Variants in SGCZ observed in about 807,000 individuals in gnomAD.
SGCZ encodes the protein zeta-sarcoglycan.
Under a neutral mutation model 41.3 loss-of-function variants are expected in SGCZ, and 40 were observed. The ratio of observed to expected loss-of-function variants is 0.97; its 90% confidence interval spans 0.75 to 1.26. The LOEUF is 1.26. Among genes scored for constraint, SGCZ ranks in the 50% most tolerant of loss-of-function variants. The probability of loss-of-function intolerance (pLI) is 0.00; values close to 1 mark genes in which losing one functional copy is unlikely to be tolerated. For missense variants in SGCZ, 552 were observed against 369.8 expected (o/e 1.49, Z -4.04); for synonymous variants, 206 against 137.5 (o/e 1.50, Z -3.49).
intron 1 of SGCZ, among the ~76,000 whole-genome samples, chr8:15,080,845 G>A (rs1473002590): frequency 6.6e-6 from 1 of 151,994 alleles, no homozygotes; most frequent in Non-Finnish European, 1.5e-5. Context: ...GCCCACCTTG[G>A]CCTCCCAAAG....
intron 2 of SGCZ, among the ~76,000 whole-genome samples, chr8:14,337,903 A>T (rs906116781): frequency 6.6e-6 from 1 of 152,126 alleles, no homozygotes; most frequent in African/African-American, 2.4e-5. Context: ...GGATGAACAG[A>T]ATTATGGCAA....
intron 4 of SGCZ, among the ~76,000 whole-genome samples, chr8:14,223,558 A>G (rs1030317519): frequency 5.3e-5 from 8 of 151,528 alleles, no homozygotes; most frequent in Admixed American, 2.0e-4. Flanking sequence ...ATTTTAACAG[A>G]ATTAGTGAGC....
chr8:14,801,099 T>C (rs1038235665), intron 1 of SGCZ, among the ~76,000 whole-genome samples: 1 of 152,212 alleles, frequency 6.6e-6, no homozygotes, highest in Non-Finnish European at 1.5e-5. Context: ...AAAGTGACCA[T>C]TCCTTCCAGC....
rs569265153 is a variant in SGCZ at position 14,276,289 on chromosome 8, T to C, written c.337-38610A>G. Reference sequence around the variant, plus strand: ...GCCTCAACTGAAACTGATTAAATGATTCCATTGAATCATCACGTCACAGCT... The same window carrying C: ...GCCTCAACTGAAACTGATTAAATGACTCCATTGAATCATCACGTCACAGCT... On this transcript the variant is annotated intron_variant, in intron 3 of 7. Coordinates refer to ENST00000382080, the MANE Select transcript of SGCZ (RefSeq NM_139167.4). 2.0e-5 allele frequency among the ~76,000 whole-genome samples: 3 copies of C among 152,300 alleles called. No individual in the cohort carries two copies. In the South Asian group the frequency reaches 6.2e-4, roughly 32 times the overall value.
intron 2 of SGCZ, among the ~76,000 whole-genome samples, chr8:14,489,159 T>A (rs1018559364): frequency 3.3e-5 from 5 of 152,086 alleles, no homozygotes; most frequent in Admixed American, 3.3e-4. Flanking sequence ...TACTTAAGAA[T>A]TCATTAACAG....
chr8:14,131,339 C>A (rs1404847364), intron 5 of SGCZ, among the ~76,000 whole-genome samples: 1 of 152,158 alleles, frequency 6.6e-6, no homozygotes, highest in African/African-American at 2.4e-5. Flanking sequence ...GACAGGTAAG[C>A]AGTAGGCCCC....
intron 1 of SGCZ, among the ~76,000 whole-genome samples, chr8:15,046,903 A>C (rs1261143588): frequency 6.6e-6 from 1 of 152,042 alleles, no homozygotes; most frequent in East Asian, 1.9e-4. Flanking sequence ...CTATATAACT[A>C]ATTTGCTCCA....
chr8:14,504,341 T>C (rs1260605566), intron 2 of SGCZ, among the ~76,000 whole-genome samples: 6 of 152,200 alleles, frequency 3.9e-5, no homozygotes, highest in African/African-American at 1.4e-4. Context: ...CCATGGGGGC[T>C]AGAAATTCTG....
chr8:14,560,040 A>G (rs1804161000), intron 1 of SGCZ, among the ~76,000 whole-genome samples: 1 of 152,130 alleles, frequency 6.6e-6, no homozygotes, highest in African/African-American at 2.4e-5. Context: ...TGGTTTTGAT[A>G]ATATAGTAGA....
At chr8:14,848,643 C>T (rs950540656) in intron 1 of SGCZ, among the ~76,000 whole-genome samples, 1 of 152,102 alleles carries the variant, frequency 6.6e-6, no homozygotes, top group African/African-American at 2.4e-5. Flanking sequence ...ACTGGATAAC[C>T]ATATGTAAGA....
chr8:15,148,726 C>A (rs1447942572), intron 1 of SGCZ, among the ~76,000 whole-genome samples: 2 of 152,138 alleles, frequency 1.3e-5, no homozygotes, highest in Admixed American at 1.3e-4. Flanking sequence ...CCAAGCAAGC[C>A]TGGATGCTTG....
At chr8:14,643,593 A>G (rs896545932) in intron 1 of SGCZ, among the ~76,000 whole-genome samples, 2 of 151,614 alleles carry the variant, frequency 1.3e-5, no homozygotes, top group Non-Finnish European at 3.0e-5. Context: ...ATGGATGATA[A>G]TGACTCCACC....
At chr8:14,567,732 C>T (rs1804418487) in intron 1 of SGCZ, among the ~76,000 whole-genome samples, 1 of 152,162 alleles carries the variant, frequency 6.6e-6, no homozygotes, top group Non-Finnish European at 1.5e-5. Flanking sequence ...GTAACACTCA[C>T]CGTGAAGGTC....
intron 1 of SGCZ, among the ~76,000 whole-genome samples, chr8:14,904,889 T>G (rs1189021248): frequency 7.2e-5 from 11 of 151,964 alleles, no homozygotes; most frequent in African/African-American, 2.7e-4. Context: ...ATAACCATTC[T>G]TTATCTTTCA....
At chr8:14,882,131 C>T (rs1321913834) in intron 1 of SGCZ, among the ~76,000 whole-genome samples, 3 of 152,050 alleles carry the variant, frequency 2.0e-5, no homozygotes, top group Non-Finnish European at 4.4e-5. Flanking sequence ...TAGAAAGATC[C>T]CAAATCAGTT....
At chr8:14,269,003 G>C (rs553945002) in intron 3 of SGCZ, among the ~76,000 whole-genome samples, 1 of 151,652 alleles carries the variant, frequency 6.6e-6, no homozygotes, top group Admixed American at 6.6e-5. Flanking sequence ...GAAAATAGAA[G>C]AGTAAAACAA....
intron 2 of SGCZ, among the ~76,000 whole-genome samples, chr8:14,451,007 G>T (rs1053721016): frequency 1.3e-5 from 2 of 152,122 alleles, no homozygotes; most frequent in African/African-American, 2.4e-5. Context: ...AAATACAGCT[G>T]CTTTGCTCCA....
At chr8:14,873,645 C>A (rs1266141948) in intron 1 of SGCZ, among the ~76,000 whole-genome samples, 1 of 152,084 alleles carries the variant, frequency 6.6e-6, no homozygotes, top group Non-Finnish European at 1.5e-5. Flanking sequence ...TCAACCAAGG[C>A]TTGAGTTCAG....
intron 1 of SGCZ, among the ~76,000 whole-genome samples, chr8:15,011,795 C>A (rs1802835230): frequency 6.6e-6 from 1 of 152,142 alleles, no homozygotes; most frequent in Admixed American, 6.5e-5. Flanking sequence ...CTTATCACTG[C>A]AAATATCCAT....
Sources: gnomAD v4.1 joint callset for allele counts (sites outside exome capture counted in the v4.1 genomes callset) on GRCh38, gnomAD v4.1.1 for gene constraint, MANE v1.5 for transcripts, NCBI Gene and HGNC (gene_info 2026-07-23, HGNC 2026-07-21) for gene names.